Variants in USO1 observed in about 807,000 individuals in gnomAD.
USO1 encodes the protein general vesicular transport factor p115.
USO1 carries 57 observed loss-of-function variants against 124.5 expected under a neutral mutation model. The observed-to-expected ratio is 0.46, with a 90% confidence interval of 0.37 to 0.57. The LOEUF (loss-of-function observed/expected upper bound fraction) is 0.57. Ranked by LOEUF, USO1 falls within the 20% of genes least tolerant of loss-of-function variation. The probability of loss-of-function intolerance (pLI) is 0.00; values close to 1 mark genes in which losing one functional copy is unlikely to be tolerated. For missense variants in USO1, 900 were observed against 1,040.6 expected, an observed-to-expected ratio of 0.86 and a Z score of 1.86; for synonymous variants, 369 against 362.8, an observed-to-expected ratio of 1.02 and a Z score of -0.19.
chr4:75,813,103 C>T, intron 23 of USO1, 103 bp from the exon 24 acceptor site: 3 of 1,239,088 alleles, frequency 2.4e-6, no homozygotes, highest in African/African-American at 3.1e-5. Flanking sequence ...ACGAGCAAAA[C>T]TCCATCTCAG....
At chr4:75,796,706 G>A (rs745382464) in intron 13 of USO1, among the ~76,000 whole-genome samples, 2 of 151,400 alleles carry the variant, frequency 1.3e-5, no homozygotes, top group African/African-American at 2.4e-5. Flanking sequence ...AATTACCCCC[G>A]AGAATGCTCT....
chr4:75,759,944 G>T (rs539675679), intron 4 of USO1, among the ~76,000 whole-genome samples: 52 of 151,598 alleles, frequency 3.4e-4, no homozygotes, highest in Non-Finnish European at 5.7e-4. Flanking sequence ...AGACATGGTG[G>T]CTCACGCCTG....
At chr4:75,764,813 T>G (rs1721718494) in intron 4 of USO1, among the ~76,000 whole-genome samples, 1 of 152,188 alleles carries the variant, frequency 6.6e-6, no homozygotes, top group South Asian at 2.1e-4. Flanking sequence ...AATTGGGAGC[T>G]TGTGTCAACG....
chr4:75,790,905 A>C, intron 12 of USO1, 108 bp downstream of exon 12: 2 of 1,234,728 alleles, frequency 1.6e-6, no homozygotes, highest in Non-Finnish European at 2.1e-6. Flanking sequence ...TTGCATGCTT[A>C]GGAGAGAAAA....
At chr4:75,778,486 T>TATA (rs1170468658) in intron 8 of USO1, among the ~76,000 whole-genome samples, 1 of 152,146 alleles carries the variant, frequency 6.6e-6, no homozygotes, top group Admixed American at 6.6e-5. Context: ...AGAAAACATA[T>TATA]ATATAAGTGG....
chr4:75,812,421 A>G (rs1475457368), intron 23 of USO1, 46 bp downstream of exon 23: 1 of 1,517,872 alleles, frequency 6.6e-7, no homozygotes, highest in Non-Finnish European at 8.8e-7. Context: ...ATGTTTTAGT[A>G]TAATGCATTT....
At chr4:75,793,521 A>G (rs1722590820) in intron 12 of USO1, among the ~76,000 whole-genome samples, 169 bp from the exon 13 acceptor site, 1 of 152,234 alleles carries the variant, frequency 6.6e-6, no homozygotes, top group Admixed American at 6.5e-5. Context: ...TTTGAAAAGC[A>G]GACTTTTATC....
chr4:75,747,602 CTTTTTTTT>C lies in USO1; in HGVS notation c.67-4753_67-4746del, dbSNP rs59636038. On this transcript the variant is annotated intron_variant, in intron 1 of 23. Transcript: ENST00000514213. ...AAGTTGTTCTTATATTCACCTTTGA[CTTTTTTTT>C]TTTTTTTTTTTTTTTTTGAGATGGA... Among the ~76,000 whole-genome samples the C allele has an allele frequency of 3.8e-3, 319 of 83,698 alleles. 3 individuals are homozygous for C. Among genetic ancestry groups the C allele is most frequent in the Middle Eastern group, 0.017 (2 of 120 alleles). The allele number at this position is 83,698 out of a possible 152,430, so 54.9% of individuals were successfully genotyped here.
Position 75,770,494 on chromosome 4 carries a change from C to T in USO1, c.351C>T (p.Phe117=). Residue 117 remains phenylalanine, a synonymous_variant, in exon 5 of 24, where the codon TTC becomes TTT. Coordinates refer to ENST00000514213, the MANE Select transcript of USO1 (RefSeq NM_003715.4). ...TGGGAAGCCAATTTACAGAAATTTT[C>T]ATTAAGCAGCAGGAAAATGTCACTC... The part of the protein sequence containing the change: ...EDLGSQFTEI[F]IKQQENVTLL... 1 of 1,596,198 alleles carries T rather than the reference C, an allele frequency of 6.3e-7. No individual in the cohort carries two copies. Among genetic ancestry groups the T allele is most frequent in the Non-Finnish European group, 8.5e-7 (1 of 1,170,454 alleles).
intron 10 of USO1, 103 bp from the exon 11 acceptor site, chr4:75,790,047 T>TAA (rs67037358): frequency 2.4e-3 from 2,422 of 1,004,336 alleles, no homozygotes; most frequent in South Asian, 8.3e-3. Flanking sequence ...TAAAGTATAA[T>TAA]AAAAAAAAAA....
chr4:75,803,007 A>G (rs1722895433), intron 17 of USO1, among the ~76,000 whole-genome samples: 1 of 148,036 alleles, frequency 6.8e-6, no homozygotes, highest in African/African-American at 2.5e-5. Flanking sequence ...TCGCTTGAAC[A>G]ACCTGGGAGG....
chr4:75,778,939 C>T (rs972639770), intron 8 of USO1, among the ~76,000 whole-genome samples: 3 of 152,114 alleles, frequency 2.0e-5, no homozygotes, highest in Admixed American at 1.3e-4. Flanking sequence ...TTGTGTCAAC[C>T]CTGCATTGAA....
At chr4:75,768,142 G>A (rs1315770361) in intron 4 of USO1, among the ~76,000 whole-genome samples, 3 of 151,852 alleles carry the variant, frequency 2.0e-5, no homozygotes, top group East Asian at 1.9e-4. Context: ...TCAGCCTCCC[G>A]AGTAGCTGGG....
intron 20 of USO1, 65 bp from the exon 21 acceptor site, chr4:75,808,888 G>A (rs1723066079): frequency 2.0e-6 from 3 of 1,485,746 alleles, no homozygotes; most frequent in South Asian, 1.3e-5. Flanking sequence ...ATGTCTCCCT[G>A]TAAATATTTC....
In USO1 at chr4:75,770,429, A is replaced by G; in HGVS notation, c.296-10A>G. The G allele has an allele frequency of 1.3e-6, 2 of 1,524,520 alleles. No homozygotes were observed. Among genetic ancestry groups the G allele is most frequent in the Non-Finnish European group, 1.8e-6 (2 of 1,137,572 alleles). The allele number at this position is 1,524,520 out of a possible 1,614,324, so 94.4% of individuals were successfully genotyped here. A position where few individuals can be genotyped will look rare whatever the true frequency, so the allele number is the denominator to read the frequency against. On this transcript the variant is annotated splice_polypyrimidine_tract_variant and intron_variant, in intron 4 of 23. Transcript: ENST00000514213. ...ATTAAATTGAAATTCTTTATTTTTGAATATTACAGAAGAAAATTCCACAAG... is the reference window on the plus strand; with the variant it reads ...ATTAAATTGAAATTCTTTATTTTTGGATATTACAGAAGAAAATTCCACAAG...
chr4:75,758,353 T>C (rs1156740640), intron 4 of USO1, among the ~76,000 whole-genome samples: 1 of 152,220 alleles, frequency 6.6e-6, no homozygotes, highest in African/African-American at 2.4e-5. Flanking sequence ...GTGGATATAT[T>C]CATACATTTT....
chr4:75,760,466 T>C (rs945607285), intron 4 of USO1: 2 of 373,230 alleles, frequency 5.4e-6, no homozygotes, highest in Non-Finnish European at 9.5e-6. Flanking sequence ...TATGGATCTC[T>C]TCTTCCAAAG....
intron 1 of USO1, among the ~76,000 whole-genome samples, chr4:75,734,120 A>G (rs1173763598): frequency 3.3e-5 from 5 of 151,632 alleles, no homozygotes; most frequent in Admixed American, 6.6e-5. Flanking sequence ...TAATTTTTGT[A>G]TTTTTAGTAG....
chr4:75,747,022 T>C (rs1721144651), intron 1 of USO1, among the ~76,000 whole-genome samples: 1 of 152,190 alleles, frequency 6.6e-6, no homozygotes, highest in Non-Finnish European at 1.5e-5. Flanking sequence ...GTGCCAGGTA[T>C]TATATAAAGC....
Sources: allele counts gnomAD v4.1 joint callset (sites outside exome capture counted in the v4.1 genomes callset), GRCh38; gene constraint gnomAD v4.1.1; transcripts MANE v1.5; gene names NCBI Gene and HGNC (gene_info 2026-07-23, HGNC 2026-07-21).